FGFR3: variants seen among roughly 807,000 people sequenced by gnomAD.
FGFR3 encodes the protein FGFR-3.
In FGFR3, 25 loss-of-function variants were observed where a neutral mutation model predicts 82.9. That is an observed-to-expected ratio of 0.30 (90% CI 0.22 to 0.42). The LOEUF is 0.42. Ranked by LOEUF, FGFR3 falls within the 10% of genes least tolerant of loss-of-function variation. The pLI, the probability that FGFR3 is intolerant of heterozygous loss-of-function variation, is 1.00. For missense variants in FGFR3, 1,026 were observed against 1,161.0 expected (o/e 0.88, Z 1.69); for synonymous variants, 620 against 516.0 (o/e 1.20, Z -2.73).
rs995550803 is a variant in FGFR3 at position 1,807,525 on chromosome 4, C to T, written c.*263C>T. 25 of 713,414 alleles carry T rather than the reference C, an allele frequency of 3.5e-5. No individual in the cohort carries two copies. Among genetic ancestry groups the T allele is most frequent in the Admixed American group, 9.6e-5 (5 of 51,956 alleles). The allele number at this position is 713,414 out of a possible 1,614,324, so 44.2% of individuals were successfully genotyped here. The stretch of plus-strand genomic sequence containing the variant: ...GGTCTCCTGACTGGTGCTGCAGCAC[C>T]GAGGGGCCTTTGTTCTGGGGGGACC... On this transcript the variant is annotated 3_prime_UTR_variant, in exon 18 of 18. Transcript: ENST00000440486.
intron 7 of FGFR3, 114 bp from the exon 8 acceptor site, chr4:1,803,578 G>A (rs538330096): frequency 4.4e-5 from 66 of 1,512,292 alleles, no homozygotes; most frequent in Middle Eastern, 4.7e-4. Context: ...GGTGGCTGAG[G>A]AGTTGGTGGT....
Position 1,802,913 on chromosome 4 carries a change from G to C in FGFR3, c.931-779G>C, listed in dbSNP as rs771277710. ...CTGAGCCGGGTCTCTTGTCCCCGCA[G>C]TCCTGGATCAGTGAGAGTGTGGAGG... On this transcript the variant is annotated intron_variant, in intron 7 of 17. Transcript: ENST00000440486. 6 of 1,594,330 alleles carry C rather than the reference G, an allele frequency of 3.8e-6. No homozygotes were observed. The South Asian group carries it at 6.8e-5, about 18-fold the overall frequency.
chr4:1,795,687 G>GC (rs1169122689), intron 2 of FGFR3, among the ~76,000 whole-genome samples: 2 of 152,154 alleles, frequency 1.3e-5, no homozygotes, highest in Admixed American at 6.5e-5. Flanking sequence ...TGCCAGGACA[G>GC]CCCCCATCTC....
intron 2 of FGFR3, among the ~76,000 whole-genome samples, chr4:1,796,270 C>G (rs1662137148): frequency 6.6e-6 from 1 of 152,126 alleles, no homozygotes; most frequent in South Asian, 2.1e-4. Flanking sequence ...TAATGGCAGG[C>G]TGTTTGAAGG....
rs766462409 is a variant in FGFR3 at position 1,799,336 on chromosome 4, C to G, written c.192C>G (p.Pro64=). Residue 64 remains proline, a synonymous_variant, in exon 3 of 18, where the codon CCC becomes CCG. Transcript: ENST00000440486. ...GDAVELSCPP[P]GGGPMGPTVW... is the part of the protein sequence containing the mutation. ...CTGTGGAGCTGAGCTGTCCCCCGCC[C>G]GGGGGTGGTCCCATGGGGCCCACTG... is the stretch of plus-strand genomic sequence containing the variant. 9.1e-5 allele frequency: 146 copies of G among 1,612,564 alleles called. No individual in the cohort carries two copies. Among genetic ancestry groups the G allele is most frequent in the Non-Finnish European group, 1.2e-4 (144 of 1,179,892 alleles).
chr4:1,793,751 G>A (rs1427551752), intron 1 of FGFR3, 82 bp from the exon 2 acceptor site: 23 of 158,156 alleles, frequency 1.5e-4, no homozygotes, highest in Non-Finnish European at 2.8e-5. Context: ...CTGGGGGTCG[G>A]AGGGGTCGGG....
chr4:1,804,694 T>G, intron 9 of FGFR3, 130 bp from the exon 10 acceptor site: 1 of 1,433,112 alleles, frequency 7.0e-7, no homozygotes, highest in Non-Finnish European at 9.6e-7. Context: ...GCACGAAACA[T>G]TCTAAAAATC....
chr4:1,803,926 T>C, intron 8 of FGFR3, 90 bp downstream of exon 8: 1 of 1,386,850 alleles, frequency 7.2e-7, no homozygotes, highest in South Asian at 1.2e-5. Context: ...ACGGGAATCC[T>C]GTGACTTACG....
At chr4:1,796,520 A>G (rs935837132) in intron 2 of FGFR3, among the ~76,000 whole-genome samples, 1 of 152,012 alleles carries the variant, frequency 6.6e-6, no homozygotes, top group Non-Finnish European at 1.5e-5. Flanking sequence ...CCAGGCCCTC[A>G]TCTCACCCCA....
intron 2 of FGFR3, among the ~76,000 whole-genome samples, chr4:1,794,456 C>G (rs1720225667): frequency 6.6e-6 from 1 of 152,130 alleles, no homozygotes; most frequent in Admixed American, 6.5e-5. Flanking sequence ...CAGCTTCGGC[C>G]AAGGCGAGAG....
In FGFR3 at chr4:1,808,370, A is replaced by G; in HGVS notation, c.*1108A>G. 1 of 232,240 alleles carries G rather than the reference A, an allele frequency of 4.3e-6. No homozygotes were observed. Among genetic ancestry groups the G allele is most frequent in the East Asian group, 6.1e-5 (1 of 16,428 alleles). 14.4% of individuals were successfully genotyped at this position (232,240 alleles called of 1,614,324 possible). A position where few individuals can be genotyped will look rare whatever the true frequency, so the allele number is the denominator to read the frequency against. On this transcript the variant is annotated 3_prime_UTR_variant, in exon 18 of 18. Transcript: ENST00000440486. ...CTTTGTCCTTTTTCAGGAGAATTAG[A>G]TTTCTATAGGATTTTTCTTTAGGAG... is the stretch of plus-strand genomic sequence containing the variant.
chr4:1,806,386 G>T, intron 15 of FGFR3, 59 bp downstream of exon 15: 3 of 1,607,086 alleles, frequency 1.9e-6, no homozygotes, highest in Non-Finnish European at 2.6e-6. Context: ...GCAGAGCCAG[G>T]ACCCCAGCTG....
Position 1,801,230 on chromosome 4 carries a change from C to T in FGFR3, c.446-137C>T, listed in dbSNP as rs1029848184. 7.1e-6 allele frequency: 7 copies of T among 982,778 alleles called. No homozygotes were observed. The East Asian group carries it at 1.3e-4, about 19-fold the overall frequency. 60.9% of individuals were successfully genotyped at this position (982,778 alleles called of 1,614,324 possible). ...GACAAGATGTGGAGGCTCCTGGGAA[C>T]CTCATCCCGCCCTCTTCCTACACAG... is the stretch of plus-strand genomic sequence containing the variant. On this transcript the variant is annotated intron_variant, in intron 4 of 17. Transcript: ENST00000440486.
In FGFR3 at chr4:1,803,677, GCT is replaced by G. The variant is rs749428649; in HGVS notation, c.931-8_931-7del. On this transcript the variant is annotated splice_polypyrimidine_tract_variant and intron_variant, in intron 7 of 17. Coordinates refer to ENST00000440486, the MANE Select transcript of FGFR3 (RefSeq NM_000142.5). Reference sequence around the variant, plus strand: ...GGTGCTGGCGCTCGCCTATCGCTCTGCTCTCTCTTTGTAGACGGCGGGCGCTA... The same window carrying G: ...GGTGCTGGCGCTCGCCTATCGCTCTGCTCTCTTTGTAGACGGCGGGCGCTA... The G allele has an allele frequency of 2.5e-5, 40 of 1,612,844 alleles. No individual in the cohort carries two copies. The South Asian group carries it at 3.2e-4, about 13-fold the overall frequency.
intron 7 of FGFR3, 71 bp from the exon 8 acceptor site, chr4:1,803,621 C>T (rs1041145185): frequency 2.5e-6 from 4 of 1,573,832 alleles, no homozygotes; most frequent in African/African-American, 2.7e-5. Context: ...CTGGATCCTG[C>T]CGTGTGGACT....
chr4:1,805,318 G>A, intron 10 of FGFR3, 37 bp from the exon 11 acceptor site: 1 of 1,607,634 alleles, frequency 6.2e-7, no homozygotes, highest in South Asian at 1.1e-5. Flanking sequence ...GAGTGGGCGA[G>A]TTTGCACACT....
At chr4:1,797,266 G>C (rs953829460) in intron 2 of FGFR3, among the ~76,000 whole-genome samples, 2 of 152,116 alleles carry the variant, frequency 1.3e-5, no homozygotes, top group African/African-American at 4.8e-5. Context: ...CTTCCCAGTG[G>C]GAGTCAGACC....
chr4:1,805,701 G>T, intron 12 of FGFR3, 32 bp downstream of exon 12: 1 of 1,611,374 alleles, frequency 6.2e-7, no homozygotes, highest in Non-Finnish European at 8.5e-7. Flanking sequence ...GTGCCGGCTG[G>T]GCGGCCCTCC....
rs761883478 is a variant in FGFR3, at chr4:1,801,941, G to C, written c.846G>C (p.Gln282His). The C allele has an allele frequency of 6.2e-7, 1 of 1,612,784 alleles. No individual in the cohort carries two copies. The highest frequency in any genetic ancestry group is 8.5e-7 in the Non-Finnish European group (1 of 1,179,870). Residue 282 changes from glutamine (Q) to histidine (H), a missense_variant, in exon 7 of 18, where the codon CAG becomes CAC. Coordinates refer to ENST00000440486, the MANE Select transcript of FGFR3 (RefSeq NM_000142.5). ...EFHCKVYSDA[Q>H]PHIQWLKHVE... The stretch of plus-strand genomic sequence containing the variant: ...ACTGCAAGGTGTACAGTGACGCACA[G>C]CCCCACATCCAGTGGCTCAAGCACG...
Sources: allele counts gnomAD v4.1 joint callset (sites outside exome capture counted in the v4.1 genomes callset), GRCh38; gene constraint gnomAD v4.1.1; transcripts MANE v1.5; gene names NCBI Gene and HGNC (gene_info 2026-07-23, HGNC 2026-07-21).